SPTBN1: variants seen among roughly 807,000 people sequenced by gnomAD.
SPTBN1 encodes spectrin beta, non-erythrocytic 1.
SPTBN1 carries 32 observed loss-of-function variants against 266.4 expected under a neutral mutation model. That is an observed-to-expected ratio of 0.12 (90% CI 0.09 to 0.16). The LOEUF is 0.16. Among genes scored for constraint, SPTBN1 ranks in the 10% least tolerant of loss-of-function variants. The probability of loss-of-function intolerance (pLI) is 1.00; values close to 1 mark genes in which losing one functional copy is unlikely to be tolerated. For synonymous variants in SPTBN1, 1,336 were observed against 1,162.2 expected, an observed-to-expected ratio of 1.15 and a Z score of -3.04; for missense variants, 2,296 against 3,067.1, an observed-to-expected ratio of 0.75 and a Z score of 5.94.
At chr2:54,623,366 CTT>C (rs1188154992) in intron 9 of SPTBN1, 111 bp from the exon 10 acceptor site, 2 of 906,988 alleles carry the variant, frequency 2.2e-6, no homozygotes, top group African/African-American at 3.3e-5. Context: ...ACTGATGTCT[CTT>C]TGACATGCAT....
At chr2:54,493,927 G>T (rs551629120) in intron 1 of SPTBN1, among the ~76,000 whole-genome samples, 45 of 152,306 alleles carry the variant, frequency 3.0e-4, no homozygotes, top group African/African-American at 1.0e-3. Context: ...CCAAAGTCAC[G>T]TGAGTGGGTT....
chr2:54,495,035 G>A (rs1240234078), intron 1 of SPTBN1, among the ~76,000 whole-genome samples: 1 of 152,128 alleles, frequency 6.6e-6, no homozygotes, highest in Non-Finnish European at 1.5e-5. Flanking sequence ...TGGGCTGACA[G>A]GTGTAGTGCA....
At chr2:54,525,733 CT>C (rs968715419) in intron 1 of SPTBN1, among the ~76,000 whole-genome samples, 1 of 151,852 alleles carries the variant, frequency 6.6e-6, no homozygotes, top group African/African-American at 2.4e-5. Context: ...GATAACATTT[CT>C]TTTTTTTTCT....
In SPTBN1 at chr2:54,631,364, A is replaced by G. The variant is rs772780138; in HGVS notation, c.3317A>G (p.Asn1106Ser). ...GAGAAGCTGCTCACGCAGCACGAGA[A>G]CATCAAGAACGAGATCGACAACTAC... ...EAEKLLTQHE[N>S]IKNEIDNYEE... is the part of the protein sequence containing the mutation. Residue 1106 changes from asparagine to serine, a missense_variant, in exon 16 of 36, where the codon AAC becomes AGC. By Grantham distance (46) the Asn-to-Ser change is conservative. Transcript: ENST00000356805. 1.2e-6 allele frequency: 2 copies of G among 1,614,248 alleles called. No individual in the cohort carries two copies. The highest frequency in any genetic ancestry group is 2.2e-5 in the East Asian group (1 of 44,880).
At chr2:54,582,512 C>T (rs956405735) in intron 2 of SPTBN1, among the ~76,000 whole-genome samples, 3 of 147,998 alleles carry the variant, frequency 2.0e-5, no homozygotes, top group South Asian at 2.1e-4. Context: ...TGCAGTGAGC[C>T]GAGATCATGC....
Position 54,562,527 on chromosome 2 carries a change from C to CTTTTTCTTTTTTTCT in SPTBN1, c.148+35974_148+35975insCTTTTTTCTTTTTTT, listed in dbSNP as rs147927212. On this transcript the variant is annotated intron_variant, in intron 2 of 35. Coordinates refer to ENST00000356805, the MANE Select transcript of SPTBN1 (RefSeq NM_003128.3). ...CTATAGAAATGCTTACTTTTCTTTT[C>CTTTTTCTTTTTTTCT]TTTTTCTTTTTTTTTTTTGAGGCAA... 6.8e-3 allele frequency among the ~76,000 whole-genome samples: 433 copies of CTTTTTCTTTTTTTCT among 64,000 alleles called. 13 individuals are homozygous for CTTTTTCTTTTTTTCT. Among genetic ancestry groups the CTTTTTCTTTTTTTCT allele is most frequent in the African/African-American group, 0.063 (413 of 6,598 alleles). The allele number at this position is 64,000 out of a possible 152,430, so 42.0% of individuals were successfully genotyped here.
rs1453037642 is a variant in SPTBN1 at position 54,670,949 on chromosome 2, G to A, written c.*2380G>A. 5.0e-6 allele frequency: 2 copies of A among 397,070 alleles called. No homozygotes were observed. Among genetic ancestry groups the A allele is most frequent in the Admixed American group, 4.4e-5 (1 of 22,690 alleles). 24.6% of individuals were successfully genotyped at this position (397,070 alleles called of 1,614,324 possible). A position where few individuals can be genotyped will look rare whatever the true frequency, so the allele number is the denominator to read the frequency against. ...AAGCCTGGCAGGGTAAATAGTTTTT[G>A]GGTTTTTTGTTTTTTTTTTATTCTT... On this transcript the variant is annotated 3_prime_UTR_variant, in exon 36 of 36. Coordinates refer to ENST00000356805, the MANE Select transcript of SPTBN1 (RefSeq NM_003128.3).
chr2:54,537,160 C>T (rs1391021110), intron 2 of SPTBN1, among the ~76,000 whole-genome samples: 1 of 152,194 alleles, frequency 6.6e-6, no homozygotes, highest in Non-Finnish European at 1.5e-5. Flanking sequence ...GGGCCATGCG[C>T]CTCATTCATT....
rs770198725 is a variant in SPTBN1 at position 54,629,968 on chromosome 2, A to G, written c.2746A>G (p.Met916Val). ...GGTGAACCAGATTGCACGCCAGCTG[A>G]TGCACAGCGGCCACCCAAGTGAGAA... is the stretch of plus-strand genomic sequence containing the variant. Reference protein sequence around the residue: ...AVVNQIARQLMHSGHPSEKEI... With the variant: ...AVVNQIARQLVHSGHPSEKEI... Residue 916 changes from methionine to valine, a missense_variant, in exon 15 of 36, where the codon ATG becomes GTG. By Grantham distance (21) the Met-to-Val change is conservative. Around this residue, in one of 12 missense-constraint regions of SPTBN1, gnomAD observed 128 missense variants for 176.5 expected, o/e 0.73. Transcript: ENST00000356805. 12 of 1,614,010 alleles carry G rather than the reference A, an allele frequency of 7.4e-6. No individual in the cohort carries two copies. The highest frequency in any genetic ancestry group is 9.3e-6 in the Non-Finnish European group (11 of 1,180,036).
At chr2:54,571,565 ACACACACACAT>A in intron 2 of SPTBN1, among the ~76,000 whole-genome samples, 1 of 56,328 alleles carries the variant, frequency 1.8e-5, no homozygotes, top group South Asian at 4.2e-4. Context: ...ACACACACAC[ACACACACACAT>A]ACACACACAC....
intron 18 of SPTBN1, 25 bp from the exon 19 acceptor site, chr2:54,642,958 C>T (rs1321289558): frequency 6.9e-6 from 11 of 1,603,466 alleles, no homozygotes; most frequent in Non-Finnish European, 9.4e-6. Flanking sequence ...ATCACAATCT[C>T]TGAATCCTTC....
Position 54,665,895 on chromosome 2 carries a change from C to CT in SPTBN1, c.6660-12dup, listed in dbSNP as rs747936694. ...GGTAGAGCCTTTATCTCCCCCTGCC[C>CT]TTTTTTTTAAACTGCACAGGTCCTG... On this transcript the variant is annotated intron_variant, in intron 33 of 35. Coordinates refer to ENST00000356805, the MANE Select transcript of SPTBN1 (RefSeq NM_003128.3). The CT allele has an allele frequency of 2.1e-5, 33 of 1,593,370 alleles. No homozygotes were observed. Among genetic ancestry groups the CT allele is most frequent in the Admixed American group, 5.4e-5 (3 of 55,502 alleles).
In SPTBN1 at chr2:54,631,474, C is replaced by A; in HGVS notation, c.3427C>A (p.Arg1143=). The A allele has an allele frequency of 6.2e-7, 1 of 1,614,244 alleles. No homozygotes were observed. Among genetic ancestry groups the A allele is most frequent in the Non-Finnish European group, 8.5e-7 (1 of 1,180,038 alleles). Residue 1143 remains arginine, a synonymous_variant, in exon 16 of 36, where the codon CGG becomes AGG. Transcript: ENST00000356805. ...TDAQYMFLRQ[R]LQALDTGWNE... is the part of the protein sequence containing the mutation. ...TGCCCAGTACATGTTTCTGCGGCAG[C>A]GGCTGCAGGCCCTGGACACTGGATG...
intron 3 of SPTBN1, among the ~76,000 whole-genome samples, chr2:54,604,205 C>T (rs1185283081): frequency 6.6e-6 from 1 of 152,100 alleles, no homozygotes; most frequent in Non-Finnish European, 1.5e-5. Flanking sequence ...TCTTTGGACA[C>T]GTATAGAGAA....
intron 1 of SPTBN1, among the ~76,000 whole-genome samples, chr2:54,465,527 A>G (rs1693580591): frequency 6.6e-6 from 1 of 152,038 alleles, no homozygotes; most frequent in Admixed American, 6.6e-5. Context: ...GTAGGCTAAG[A>G]TTGAGAGGAA....
At chr2:54,552,162 G>A (rs1485215775) in intron 2 of SPTBN1, among the ~76,000 whole-genome samples, 4 of 152,170 alleles carry the variant, frequency 2.6e-5, no homozygotes, top group African/African-American at 9.7e-5. Flanking sequence ...CACATGAAAC[G>A]CAACATCGTG....
intron 2 of SPTBN1, among the ~76,000 whole-genome samples, chr2:54,596,072 G>A (rs530197527): frequency 1.9e-3 from 293 of 152,250 alleles, no homozygotes; most frequent in Middle Eastern, 3.4e-3. Flanking sequence ...CATAGGCCTG[G>A]AAGTCGGCTC....
intron 2 of SPTBN1, among the ~76,000 whole-genome samples, chr2:54,530,098 G>A (rs1671126434): frequency 6.6e-6 from 1 of 152,030 alleles, no homozygotes; most frequent in Non-Finnish European, 1.5e-5. Flanking sequence ...TGTCCCTCTA[G>A]GGCTTTCGGT....
In SPTBN1 at chr2:54,612,208, G is replaced by A. The variant is rs776374589; in HGVS notation, c.348G>A (p.Val116=). ...TGCGCATCCACTGCTTAGAGAATGT[G>A]GACAAGGCCCTTCAGTTCCTGAAGG... The part of the protein sequence containing the change: ...GRMRIHCLEN[V]DKALQFLKEQ... The change falls in exon 4 of 36, where the codon GTG becomes GTA. Residue 116 remains valine (V), a synonymous_variant. Coordinates refer to ENST00000356805, the MANE Select transcript of SPTBN1 (RefSeq NM_003128.3). 1 of 1,613,654 alleles carries A rather than the reference G, an allele frequency of 6.2e-7. No individual in the cohort carries two copies. The highest frequency in any genetic ancestry group is 8.5e-7 in the Non-Finnish European group (1 of 1,179,726).
Sources: allele counts gnomAD v4.1 joint callset (sites outside exome capture counted in the v4.1 genomes callset), GRCh38; gene constraint gnomAD v4.1.1; regional missense constraint gnomAD v4.1.1; transcripts MANE v1.5; gene names NCBI Gene and HGNC (gene_info 2026-07-23, HGNC 2026-07-21).